Variants in AKAP9 observed in about 807,000 individuals in gnomAD.
The protein encoded by AKAP9 is A-kinase anchoring protein 9.
In AKAP9, 311 loss-of-function variants were observed where a neutral mutation model predicts 488.5. The ratio of observed to expected loss-of-function variants is 0.64; its 90% CI spans 0.58 to 0.70. The LOEUF (loss-of-function observed/expected upper bound fraction) is 0.70. AKAP9 is among the 30% of genes least tolerant of loss of function. The pLI is 0.00. For missense variants in AKAP9, 4,215 were observed against 4,374.5 expected (o/e 0.96, Z 1.03); for synonymous variants, 1,462 against 1,483.5 (o/e 0.99, Z 0.33).
intron 43 of AKAP9, 79 bp from the exon 44 acceptor site, chr7:92,099,608 T>A: frequency 7.5e-7 from 1 of 1,334,280 alleles, no homozygotes; most frequent in Non-Finnish European, 1.1e-6. Flanking sequence ...TCTGTTGTTC[T>A]CGGTGCCTAT....
At chr7:92,053,040 AT>A in intron 22 of AKAP9, 82 bp downstream of exon 22, 1 of 1,150,212 alleles carries the variant, frequency 8.7e-7, no homozygotes, top group Non-Finnish European at 1.3e-6. Flanking sequence ...TAATTTTGAT[AT>A]TTTCATGGAT....
At position 92,042,904 on chromosome 7, in the gene AKAP9, A is replaced by C. The variant is rs143828389; in HGVS notation, c.5162+133A>C. ...AATCATCATACCATCTGTGTATGAA[A>C]CATGTCCATGTATGTGTAGTATGTA... is the stretch of plus-strand genomic sequence containing the variant. On this transcript the variant is annotated intron_variant, in intron 20 of 49. Coordinates refer to ENST00000356239, the MANE Select transcript of AKAP9 (RefSeq NM_005751.5). The C allele has an allele frequency of 5.4e-4, 353 of 653,656 alleles. 1 individual carries two copies. Among genetic ancestry groups the C allele is most frequent in the Non-Finnish European group, 5.9e-4 (213 of 362,546 alleles). The allele number at this position is 653,656 out of a possible 1,614,324, so 40.5% of individuals were successfully genotyped here. A position where few individuals can be genotyped will look rare whatever the true frequency, so the allele number is the denominator to read the frequency against.
At position 92,061,326 on chromosome 7, in the gene AKAP9, A is replaced by G; in HGVS notation, c.5668A>G (p.Thr1890Ala). 6.2e-7 allele frequency: 1 copy of G among 1,613,258 alleles called. No individual in the cohort carries two copies. The highest frequency in any genetic ancestry group is 8.5e-7 in the Non-Finnish European group (1 of 1,179,514). Residue 1890 changes from threonine to alanine, a missense_variant, in exon 23 of 50, where the codon ACA becomes GCA. Physicochemically the swap from Thr to Ala is moderately conservative, Grantham distance 58 (BLOSUM62 0). This residue lies in a region of AKAP9 where 2,361 missense variants were observed against 2,430.0 expected (regional missense o/e 0.97). Transcript: ENST00000356239. The part of the protein sequence containing the change: ...RESFRQKQEA[T>A]ESLKCQEELR... ...GTCATTTAGACAGAAACAAGAAGCA[A>G]CAGAGTCCCTTAAGTGCCAAGAGGA... is the stretch of plus-strand genomic sequence containing the variant.
chr7:91,948,741 AGATGG>A (rs1198294294), intron 1 of AKAP9, among the ~76,000 whole-genome samples: 4 of 151,484 alleles, frequency 2.6e-5, no homozygotes, highest in African/African-American at 9.7e-5. Context: ...CCTCCCTAGT[AGATGG>A]GATTACAGGC....
At position 92,002,421 on chromosome 7, in the gene AKAP9, A is replaced by T; in HGVS notation, c.2504A>T (p.Gln835Leu). ...GAGGAAAATGAGGACCTCAAACAAC[A>T]ATGTATTCAGCTAAATGAAGAGATT... ...LIEENEDLKQQCIQLNEEIEK... is the reference protein window; with the variant it reads ...LIEENEDLKQLCIQLNEEIEK... The change falls in exon 8 of 50, where the codon CAA (glutamine) becomes CTA (leucine). Residue 835 changes from glutamine to leucine, a missense_variant. Physicochemically the swap from Gln to Leu is moderately radical, Grantham distance 113 (BLOSUM62 -2). Coordinates refer to ENST00000356239, the MANE Select transcript of AKAP9 (RefSeq NM_005751.5). 6.2e-7 allele frequency: 1 copy of T among 1,609,624 alleles called. No individual in the cohort carries two copies. The highest frequency in any genetic ancestry group is 8.5e-7 in the Non-Finnish European group (1 of 1,178,772).
intron 3 of AKAP9, among the ~76,000 whole-genome samples, chr7:91,986,453 T>C (rs1797102302): frequency 6.6e-6 from 1 of 152,222 alleles, no homozygotes; most frequent in South Asian, 2.1e-4. Context: ...CAGTTGGAAA[T>C]GCAGAAATCA....
intron 1 of AKAP9, among the ~76,000 whole-genome samples, chr7:91,972,886 TTGA>T (rs1444316481): frequency 1.3e-5 from 2 of 152,218 alleles, no homozygotes; most frequent in Admixed American, 1.3e-4. Flanking sequence ...GCACTGCTGT[TTGA>T]TATTTAAGTT....
intron 21 of AKAP9, among the ~76,000 whole-genome samples, chr7:92,046,837 C>G (rs1319676052): frequency 6.6e-6 from 1 of 152,148 alleles, no homozygotes; most frequent in Non-Finnish European, 1.5e-5. Context: ...TTTTGCTGTT[C>G]TGCTGGTAAG....
chr7:92,021,378 G>T (rs1802295584), intron 12 of AKAP9, among the ~76,000 whole-genome samples: 1 of 152,108 alleles, frequency 6.6e-6, no homozygotes, highest in African/African-American at 2.4e-5. Flanking sequence ...AGTATTTGAT[G>T]AATAAATAAA....
intron 1 of AKAP9, among the ~76,000 whole-genome samples, chr7:91,949,023 T>C (rs1407460565): frequency 1.3e-5 from 2 of 152,228 alleles, no homozygotes; most frequent in Admixed American, 6.5e-5. Context: ...AGTGCTGGGA[T>C]TACAGGCCTG....
chr7:92,092,933 G>A (rs764866866), intron 38 of AKAP9, 164 bp from the exon 39 acceptor site: 1 of 623,638 alleles, frequency 1.6e-6, no homozygotes, highest in Non-Finnish European at 2.8e-6. Flanking sequence ...TTACAGGTGT[G>A]AGCCACCATG....
rs770023040 is a variant in AKAP9 at position 92,086,252 on chromosome 7, G to A, written c.9049G>A (p.Glu3017Lys). Reference protein sequence around the residue: ...AEVYDSSQSHESFSDWRGELL... With the variant: ...AEVYDSSQSHKSFSDWRGELL... ...GGTTTATGATAGTTCTCAATCTCAT[G>A]AGAGCTTCTCAGACTGGCGAGGTGA... Residue 3017 changes from glutamate (E) to lysine (K), a missense_variant, in exon 37 of 50, where the codon GAG becomes AAG. By Grantham distance (56) the Glu-to-Lys change is moderately conservative. Around this residue, in one of 5 missense-constraint regions of AKAP9, gnomAD observed 1,476 missense variants for 1,477.4 expected, o/e 1.00. Coordinates refer to ENST00000356239, the MANE Select transcript of AKAP9 (RefSeq NM_005751.5). 1 of 1,614,090 alleles carries A rather than the reference G, an allele frequency of 6.2e-7. No individual in the cohort carries two copies. The highest frequency in any genetic ancestry group is 8.5e-7 in the Non-Finnish European group (1 of 1,179,976).
rs1803974967 is a variant in AKAP9, at chr7:92,030,125, A to G, written c.4245+134A>G. On this transcript the variant is annotated intron_variant, in intron 15 of 49. Coordinates refer to ENST00000356239, the MANE Select transcript of AKAP9 (RefSeq NM_005751.5). ...TAAATATGAGGATAATGCCTTATAT[A>G]GAAAACTCAGAATACACATGTAAAG... The G allele has an allele frequency of 1.1e-5, 7 of 648,284 alleles. No homozygotes were observed. The South Asian group carries it at 1.4e-4, about 13-fold the overall frequency. 40.2% of individuals were successfully genotyped at this position (648,284 alleles called of 1,614,324 possible). A position where few individuals can be genotyped will look rare whatever the true frequency, so the allele number is the denominator to read the frequency against.
chr7:91,982,958 G>A (rs552265757), intron 3 of AKAP9, among the ~76,000 whole-genome samples: 1 of 152,150 alleles, frequency 6.6e-6, no homozygotes, highest in South Asian at 2.1e-4. Context: ...ATTTTTTCAT[G>A]TGTCTGTTGG....
intron 24 of AKAP9, chr7:92,063,391 T>C: frequency 6.8e-6 from 6 of 881,978 alleles, no homozygotes; most frequent in Non-Finnish European, 8.2e-6. Flanking sequence ...ATTATCCCAT[T>C]TTAGGAAGTA....
intron 12 of AKAP9, among the ~76,000 whole-genome samples, chr7:92,021,033 C>G (rs1562994613): frequency 6.6e-6 from 1 of 152,150 alleles, no homozygotes; most frequent in Non-Finnish European, 1.5e-5. Context: ...TTATTTCCCC[C>G]TCCGTATCCA....
At chr7:91,976,425 G>A (rs185833325) in intron 2 of AKAP9, among the ~76,000 whole-genome samples, 2 of 152,240 alleles carry the variant, frequency 1.3e-5, no homozygotes, top group Non-Finnish European at 2.9e-5. Context: ...GTTTTGCCAT[G>A]TTGCCCAGGC....
intron 37 of AKAP9, 90 bp downstream of exon 37, chr7:92,086,506 G>C (rs1276357965): frequency 9.8e-7 from 1 of 1,020,634 alleles, no homozygotes; most frequent in Non-Finnish European, 1.5e-6. Context: ...TGAAGGTTAA[G>C]ATTTTAATAG....
At position 92,001,208 on chromosome 7, in the gene AKAP9, GA is replaced by G; in HGVS notation, c.1293del (p.Glu431AspfsTer15). 2 of 1,613,968 alleles carry G rather than the reference GA, an allele frequency of 1.2e-6. No individual in the cohort carries two copies. The highest frequency in any genetic ancestry group is 1.7e-6 in the Non-Finnish European group (2 of 1,179,932). ...RMEQETQRKL[E>X]QLRAELDEMY... is the part of the protein sequence containing the mutation. ...GGAACAAGAAACACAAAGAAAGTTA[GA>G]ACAACTCCGGGCAGAGCTGGATGAG... On this transcript the variant is annotated frameshift_variant, in exon 8 of 50. Coordinates refer to ENST00000356239, the MANE Select transcript of AKAP9 (RefSeq NM_005751.5). LOFTEE classifies it high-confidence loss of function.
Sources: gnomAD v4.1 joint callset for allele counts (sites outside exome capture counted in the v4.1 genomes callset) on GRCh38, gnomAD v4.1.1 for gene constraint, gnomAD v4.1.1 regional missense constraint, MANE v1.5 for transcripts, NCBI Gene and HGNC (gene_info 2026-07-23, HGNC 2026-07-21) for gene names.